Variants in GSE1 observed in about 807,000 individuals in gnomAD.
GSE1 encodes the protein genetic suppressor element 1.
GSE1 carries 32 observed loss-of-function variants against 112.6 expected under a neutral mutation model. The observed-to-expected ratio is 0.28, with a 90% CI of 0.21 to 0.38. GSE1 has a LOEUF of 0.38. Ranked by LOEUF, GSE1 falls within the 10% of genes least tolerant of loss-of-function variation. GSE1 has a pLI of 1.00. For missense variants in GSE1, 2,348 were observed against 1,699.2 expected, an observed-to-expected ratio of 1.38 and a Z score of -6.71; for synonymous variants, 1,115 against 735.6, an observed-to-expected ratio of 1.52 and a Z score of -8.35.
intron 1 of GSE1, among the ~76,000 whole-genome samples, chr16:85,316,317 C>T (rs950409204): frequency 5.9e-5 from 9 of 152,216 alleles, no homozygotes; most frequent in African/African-American, 1.9e-4. Context: ...TGTCAGAGAG[C>T]GATTCCTTTC....
rs573872927 is a variant in GSE1, at chr16:85,659,121, T to G, written c.1640+1517T>G. 2.6e-5 allele frequency among the ~76,000 whole-genome samples: 4 copies of G among 152,352 alleles called. No homozygotes were observed. In the South Asian group the frequency reaches 8.3e-4, roughly 32 times the overall value. On this transcript the variant is annotated intron_variant, in intron 8 of 15. Coordinates refer to ENST00000253458, the MANE Select transcript of GSE1 (RefSeq NM_014615.5). ...TACTTAAGGACACAGCTTCTTCCTG[T>G]GGTTCCCTGTTGTATTCTGCTAAGA... is the stretch of plus-strand genomic sequence containing the variant.
chr16:85,564,019 C>T (rs1470305789), intron 1 of GSE1, among the ~76,000 whole-genome samples: 2 of 152,188 alleles, frequency 1.3e-5, no homozygotes, highest in African/African-American at 2.4e-5. Flanking sequence ...GCAGGGCTTG[C>T]GCCAGTGGGT....
In GSE1 at chr16:85,400,623, CTG is replaced by C. The variant is rs1482794783; in HGVS notation, c.2464+42986_2464+42987del. On this transcript the variant is annotated intron_variant, in intron 2 of 2. Transcript: ENST00000637419. Reference sequence around the variant, plus strand: ...GTGTATGTCTATGTGTTGCATGTCTCTGTGTGTCTGTGTGTTGTGTGTGTCTC... The same window carrying C: ...GTGTATGTCTATGTGTTGCATGTCTCTGTGTCTGTGTGTTGTGTGTGTCTC... 7.2e-4 allele frequency among the ~76,000 whole-genome samples: 20 copies of C among 27,972 alleles called. No individual in the cohort carries two copies. In the Non-Finnish European group the frequency reaches 0.013, roughly 19 times the overall value. The allele number at this position is 27,972 out of a possible 152,430, so 18.4% of individuals were successfully genotyped here. A position where few individuals can be genotyped will look rare whatever the true frequency, so the allele number is the denominator to read the frequency against.
chr16:85,372,716 C>T (rs1262251695), intron 2 of GSE1, among the ~76,000 whole-genome samples: 1 of 152,104 alleles, frequency 6.6e-6, no homozygotes, highest in Non-Finnish European at 1.5e-5. Context: ...CCTCCATGCA[C>T]CTCATCTGTA....
At chr16:85,669,240 C>G (rs751928203) in intron 14 of GSE1, among the ~76,000 whole-genome samples, 2 of 152,256 alleles carry the variant, frequency 1.3e-5, no homozygotes, top group Non-Finnish European at 2.9e-5. Context: ...GCTGGGTATG[C>G]GCTTTGACAA....
chr16:85,643,465 C>G (rs898156296), intron 2 of GSE1, among the ~76,000 whole-genome samples: 2 of 152,170 alleles, frequency 1.3e-5, no homozygotes, highest in Admixed American at 6.5e-5. Context: ...AAGCTCCCCA[C>G]CCTTCACCCA....
chr16:85,341,638 C>A (rs1399729840), intron 1 of GSE1, among the ~76,000 whole-genome samples: 1 of 152,090 alleles, frequency 6.6e-6, no homozygotes, highest in Non-Finnish European at 1.5e-5. Context: ...GCCTGGGTGA[C>A]TGAGTGAAAC....
chr16:85,515,868 A>G (rs932036516), intron 2 of GSE1, among the ~76,000 whole-genome samples: 2 of 152,046 alleles, frequency 1.3e-5, no homozygotes, highest in Non-Finnish European at 2.9e-5. Flanking sequence ...CCAAGGCCTT[A>G]AGCCTGCCTT....
At chr16:85,258,000 C>G (rs567421291) in intron 1 of GSE1, among the ~76,000 whole-genome samples, 1 of 152,308 alleles carries the variant, frequency 6.6e-6, no homozygotes, top group Admixed American at 6.5e-5. Context: ...TAGTTCCTCA[C>G]TTTGCAGAGT....
intron 1 of GSE1, among the ~76,000 whole-genome samples, chr16:85,602,865 C>T (rs2047526980): frequency 6.6e-6 from 1 of 152,268 alleles, no homozygotes; most frequent in Non-Finnish European, 1.5e-5. Context: ...TGCCCTCCCC[C>T]GCAGGGGCCC....
Position 85,627,076 on chromosome 16 carries a change from T to A in GSE1, c.8-6838T>A, listed in dbSNP as rs560831355. Among the ~76,000 whole-genome samples, 422 of 107,906 alleles carry A rather than the reference T, an allele frequency of 3.9e-3. 9 individuals carry two copies. The highest frequency in any genetic ancestry group is 0.015 in the African/African-American group (392 of 26,686). 70.8% of individuals were successfully genotyped at this position (107,906 alleles called of 152,430 possible). On this transcript the variant is annotated intron_variant, in intron 1 of 15. Coordinates refer to ENST00000253458, the MANE Select transcript of GSE1 (RefSeq NM_014615.5). Reference sequence around the variant, plus strand: ...TTTTTTTTTTTTTTTTTTTTTTTTTTAAAGCATTGTGCTGCTTCTGACCCT... The same window carrying A: ...TTTTTTTTTTTTTTTTTTTTTTTTTAAAAGCATTGTGCTGCTTCTGACCCT...
chr16:85,257,382 A>G (rs1436567804), intron 1 of GSE1, among the ~76,000 whole-genome samples: 1 of 152,152 alleles, frequency 6.6e-6, no homozygotes, highest in African/African-American at 2.4e-5. Flanking sequence ...AAGTGCTGGG[A>G]TTACAGGCAT....
intron 1 of GSE1, among the ~76,000 whole-genome samples, chr16:85,328,020 C>T (rs539235341): frequency 6.6e-6 from 1 of 152,340 alleles, no homozygotes; most frequent in African/African-American, 2.4e-5. Context: ...GTCAAGTGGA[C>T]CCCCAGGTCA....
chr16:85,361,468 G>T (rs900433348), intron 2 of GSE1, among the ~76,000 whole-genome samples: 4 of 152,122 alleles, frequency 2.6e-5, no homozygotes, highest in Admixed American at 2.6e-4. Flanking sequence ...CTCTTTCCAG[G>T]CCACGGCCTC....
intron 2 of GSE1, among the ~76,000 whole-genome samples, chr16:85,538,400 T>C (rs961368690): frequency 4.6e-5 from 7 of 152,120 alleles, no homozygotes; most frequent in East Asian, 1.9e-4. Context: ...AATACAGCAG[T>C]GCGGCAGGGA....
rs373323048 is a variant in GSE1 at position 85,648,779 on chromosome 16, C to T, written c.426+28C>T. On this transcript the variant is annotated intron_variant, in intron 3 of 15. Transcript: ENST00000253458. ...GAGTGGGGCGGGGCAGGGAGCCTAG[C>T]GTCCTCTAAGTGGGGAGGCTGGATT... 9.7e-5 allele frequency: 136 copies of T among 1,397,866 alleles called. 1 individual carries two copies. Among genetic ancestry groups the T allele is most frequent in the Admixed American group, 5.6e-4 (27 of 48,462 alleles). 86.6% of individuals were successfully genotyped at this position (1,397,866 alleles called of 1,614,324 possible). A position where few individuals can be genotyped will look rare whatever the true frequency, so the allele number is the denominator to read the frequency against.
intron 1 of GSE1, among the ~76,000 whole-genome samples, chr16:85,274,736 C>G (rs1245314461): frequency 6.6e-6 from 1 of 152,246 alleles, no homozygotes; most frequent in East Asian, 1.9e-4. Flanking sequence ...CTGGTCCAGG[C>G]TGACCACTGA....
intron 1 of GSE1, among the ~76,000 whole-genome samples, chr16:85,620,266 G>A (rs934529750): frequency 2.6e-5 from 4 of 152,272 alleles, no homozygotes; most frequent in African/African-American, 9.6e-5. Context: ...CCCCAGCCTG[G>A]GTGATAGAGC....
intron 1 of GSE1, among the ~76,000 whole-genome samples, chr16:85,627,043 C>CTTTTTTTTTTTT (rs1310553127): frequency 1.0e-4 from 3 of 28,672 alleles, no homozygotes; most frequent in Admixed American, 7.7e-4. Context: ...TTTCTTCTTG[C>CTTTTTTTTTTTT]CTTTTTTTTT....
Sources: gnomAD v4.1 joint callset for allele counts (sites outside exome capture counted in the v4.1 genomes callset) on GRCh38, gnomAD v4.1.1 for gene constraint, MANE v1.5 for transcripts, NCBI Gene and HGNC (gene_info 2026-07-23, HGNC 2026-07-21) for gene names.